Variants in DPH6 observed in about 807,000 individuals in gnomAD.
The protein encoded by DPH6 is diphthine--ammonia ligase.
DPH6 carries 33 observed loss-of-function variants against 38.2 expected under a neutral mutation model. The observed-to-expected ratio is 0.86, with a 90% CI of 0.65 to 1.15. The LOEUF (loss-of-function observed/expected upper bound fraction) is 1.15, where lower values mean the gene tolerates loss of function less well. Among genes scored for constraint, DPH6 ranks in the 50% most tolerant of loss-of-function variants. DPH6 has a pLI of 0.00. For synonymous variants in DPH6, 108 were observed against 103.0 expected (o/e 1.05, Z -0.30); for missense variants, 325 against 320.0 (o/e 1.02, Z -0.12).
At chr15:35,351,139 C>T (rs1182610735) in intron 3 of DPH6, among the ~76,000 whole-genome samples, 3 of 152,022 alleles carry the variant, frequency 2.0e-5, no homozygotes, top group Non-Finnish European at 4.4e-5. Context: ...TGGGAACTGA[C>T]TTTTTAAATC....
chr15:35,190,960 G>A, the DPH6 span, among the ~76,000 whole-genome samples: 42 of 152,242 alleles, frequency 2.8e-4, no homozygotes, highest in South Asian at 7.5e-3. Flanking sequence ...GACAAGACAG[G>A]TCAGAAAGGT....
At chr15:35,420,717 G>A (rs1469668861) in intron 5 of DPH6, among the ~76,000 whole-genome samples, 1 of 151,834 alleles carries the variant, frequency 6.6e-6, no homozygotes, top group South Asian at 2.1e-4. Context: ...GGGTTTCACC[G>A]TATTGGCCAG....
chr15:35,482,105 G>A (rs1352890602), intron 3 of DPH6, among the ~76,000 whole-genome samples: 1 of 152,152 alleles, frequency 6.6e-6, no homozygotes, highest in Non-Finnish European at 1.5e-5. Flanking sequence ...CTGCCAGAGA[G>A]GGTTGACTAG....
At chr15:35,360,984 TC>T (rs1172994883) in intron 3 of DPH6, among the ~76,000 whole-genome samples, 1 of 152,050 alleles carries the variant, frequency 6.6e-6, no homozygotes, top group Non-Finnish European at 1.5e-5. Context: ...GAGTCACAGG[TC>T]TCAGGATCCA....
At chr15:35,146,608 C>G in the DPH6 span, among the ~76,000 whole-genome samples, 4 of 152,112 alleles carry the variant, frequency 2.6e-5, no homozygotes, top group Admixed American at 2.6e-4. Context: ...CTTTCCTTCT[C>G]TCTCCATTTT....
the DPH6 span, among the ~76,000 whole-genome samples, chr15:35,191,133 T>A: frequency 2.0e-5 from 3 of 152,218 alleles, no homozygotes; most frequent in Admixed American, 2.0e-4. Context: ...AATCATTGTT[T>A]AATGAAGCAA....
At chr15:35,382,406 G>C (rs1306160450) in intron 6 of DPH6, among the ~76,000 whole-genome samples, 4 of 152,084 alleles carry the variant, frequency 2.6e-5, no homozygotes, top group African/African-American at 9.7e-5. Context: ...AGATCAGCCT[G>C]GGCGACAGAG....
At chr15:35,477,333 A>G (rs2054274854) in intron 3 of DPH6, among the ~76,000 whole-genome samples, 1 of 151,768 alleles carries the variant, frequency 6.6e-6, no homozygotes, top group African/African-American at 2.4e-5. Flanking sequence ...CTTAAATATT[A>G]ACTTGGAGTT....
intron 3 of DPH6, chr15:35,298,719 T>C: frequency 6.3e-7 from 1 of 1,581,260 alleles, no homozygotes; most frequent in Non-Finnish European, 8.7e-7. Flanking sequence ...AAGCCGTACT[T>C]CTGTATGATC....
At chr15:35,157,087 G>C in the DPH6 span, among the ~76,000 whole-genome samples, 4 of 152,104 alleles carry the variant, frequency 2.6e-5, no homozygotes, top group Admixed American at 2.6e-4. Flanking sequence ...GCATGGGATG[G>C]GACTAAGGCT....
chr15:35,434,330 A>T (rs1321622826), intron 5 of DPH6, among the ~76,000 whole-genome samples: 1 of 152,198 alleles, frequency 6.6e-6, no homozygotes, highest in Non-Finnish European at 1.5e-5. Flanking sequence ...AACACCTTTG[A>T]AAAGATTAAA....
downstream of DPH6, among the ~76,000 whole-genome samples, chr15:35,327,438 T>C (rs1288801932): frequency 2.7e-5 from 4 of 150,664 alleles, no homozygotes; most frequent in East Asian, 6.0e-4. Context: ...CTCCGCCTCC[T>C]GGGTTCACAC....
intron 5 of DPH6, among the ~76,000 whole-genome samples, chr15:35,413,423 C>A (rs950789377): frequency 2.6e-5 from 4 of 151,404 alleles, no homozygotes; most frequent in Non-Finnish European, 5.9e-5. Flanking sequence ...TCTCTTCTTA[C>A]AATTCTGTCA....
chr15:35,179,794 T>A, the DPH6 span, among the ~76,000 whole-genome samples: 1 of 152,176 alleles, frequency 6.6e-6, no homozygotes, highest in Admixed American at 6.5e-5. Context: ...ACCAGCTCTA[T>A]GCTGCAAAAC....
At chr15:35,352,977 C>G (rs2052528512) in intron 3 of DPH6, among the ~76,000 whole-genome samples, 1 of 152,210 alleles carries the variant, frequency 6.6e-6, no homozygotes, top group Admixed American at 6.5e-5. Flanking sequence ...GCCATTCAAA[C>G]TGGTGTGAGA....
At chr15:35,285,878 T>TTTTTTTTTTTTTTTTTTG (rs1457270675) in intron 3 of DPH6, among the ~76,000 whole-genome samples, 1 of 135,528 alleles carries the variant, frequency 7.4e-6, no homozygotes, top group Non-Finnish European at 1.6e-5. Context: ...TTGAGTTTTT[T>TTTTTTTTTTTTTTTTTTG]TTTTTTTTTT....
At chr15:35,154,992 A>G in the DPH6 span, among the ~76,000 whole-genome samples, 149,848 of 152,308 alleles carry the variant, frequency 0.98, 73,773 homozygotes, top group East Asian at 1. Flanking sequence ...TTCCCTCAGA[A>G]CATTTTGGAA....
intron 3 of DPH6, among the ~76,000 whole-genome samples, chr15:35,221,111 A>C (rs1407625229): frequency 2.0e-5 from 3 of 152,208 alleles, no homozygotes; most frequent in African/African-American, 7.2e-5. Context: ...AACAACATTA[A>C]ATCATAAGAC....
chr15:35,545,022 G>C (rs1410530505), intron 1 of DPH6, among the ~76,000 whole-genome samples: 1 of 152,158 alleles, frequency 6.6e-6, no homozygotes, highest in Non-Finnish European at 1.5e-5. Flanking sequence ...AAATGACATT[G>C]AAGGAAAGGG....
Sources: gnomAD v4.1 joint callset for allele counts (sites outside exome capture counted in the v4.1 genomes callset) on GRCh38, gnomAD v4.1.1 for gene constraint, MANE v1.5 for transcripts, NCBI Gene and HGNC (gene_info 2026-07-23, HGNC 2026-07-21) for gene names.